BCL11A: variants seen among roughly 807,000 people sequenced by gnomAD.
BCL11A encodes the protein BCL11 transcription factor A, also known as B cell CLL/lymphoma 11A.
A neutral mutation model predicts 55.9 loss-of-function variants in BCL11A; 2 were observed. That is an observed-to-expected ratio of 0.04 (90% CI 0.01 to 0.11). BCL11A has a LOEUF of 0.11. Ranked by LOEUF, BCL11A falls within the 10% of genes least tolerant of loss-of-function variation. BCL11A has a pLI of 1.00. For synonymous variants in BCL11A, 465 were observed against 473.4 expected (o/e 0.98, Z 0.23); for missense variants, 817 against 1,137.1 (o/e 0.72, Z 4.05).
At chr2:60,482,277 G>A (rs1437603787) in intron 2 of BCL11A, among the ~76,000 whole-genome samples, 1 of 151,406 alleles carries the variant, frequency 6.6e-6, no homozygotes, top group Non-Finnish European at 1.5e-5. Context: ...CCTGTTCACG[G>A]AGCGGACAGA....
chr2:60,500,270 C>T (rs977103539), intron 2 of BCL11A, among the ~76,000 whole-genome samples: 2 of 152,168 alleles, frequency 1.3e-5, no homozygotes, highest in South Asian at 2.1e-4. Flanking sequence ...GTGGACAAGT[C>T]AAGCCCAGGC....
chr2:60,521,298 C>T (rs754505090), intron 2 of BCL11A, among the ~76,000 whole-genome samples: 1 of 152,230 alleles, frequency 6.6e-6, no homozygotes, highest in Admixed American at 6.5e-5. Context: ...GTGACACTTG[C>T]TAATAATAGC....
At chr2:60,537,599 G>C (rs139916879) in intron 2 of BCL11A, 48 of 152,318 alleles carry the variant, frequency 3.2e-4, no homozygotes, top group Non-Finnish European at 4.9e-4. Flanking sequence ...AACAGACTTG[G>C]CACATAGTGC....
intron 2 of BCL11A, chr2:60,535,423 A>G (rs1465278703): frequency 6.6e-6 from 1 of 152,230 alleles, no homozygotes; most frequent in African/African-American, 2.4e-5. Flanking sequence ...TAAGCCCTTA[A>G]GAGCCAAACC....
downstream of BCL11A, chr2:60,452,817 C>G: frequency 1.7e-6 from 1 of 605,712 alleles, no homozygotes; most frequent in Non-Finnish European, 2.9e-6. Flanking sequence ...TGATTTCAAA[C>G]TCAGCCTCCC....
chr2:60,537,054 C>G (rs1558502050), intron 2 of BCL11A: 2 of 152,206 alleles, frequency 1.3e-5, no homozygotes, highest in Non-Finnish European at 2.9e-5. Flanking sequence ...GCTCCAAGAT[C>G]AGAAGAAATA....
Position 60,468,850 on chromosome 2 carries a change from A to G in BCL11A, c.386-17T>C. On this transcript the variant is annotated splice_polypyrimidine_tract_variant and intron_variant, in intron 2 of 3. Coordinates refer to ENST00000642384, the MANE Select transcript of BCL11A (RefSeq NM_022893.4). ...GAAGTTTATCTGTGAAAGAAACCCA[A>G]AATCAAGCACTACAGCTACAAACAA... The G allele has an allele frequency of 4.5e-6, 7 of 1,539,922 alleles. No individual in the cohort carries two copies. Among genetic ancestry groups the G allele is most frequent in the Non-Finnish European group, 6.3e-6 (7 of 1,118,978 alleles).
intron 2 of BCL11A, among the ~76,000 whole-genome samples, chr2:60,506,478 A>G (rs1429905626): frequency 6.6e-6 from 1 of 152,238 alleles, no homozygotes; most frequent in African/African-American, 2.4e-5. Context: ...AGACCCTCCA[A>G]GGTGACAAAG....
intron 3 of BCL11A, among the ~76,000 whole-genome samples, 182 bp from the exon 4 acceptor site, chr2:60,462,606 C>T (rs936374412): frequency 2.6e-5 from 4 of 152,036 alleles, no homozygotes; most frequent in African/African-American, 4.8e-5. Context: ...AAATATTGGT[C>T]CAATTGATCT....
intron 2 of BCL11A, among the ~76,000 whole-genome samples, chr2:60,510,319 G>A (rs899295853): frequency 1.1e-4 from 17 of 152,026 alleles, no homozygotes; most frequent in Admixed American, 8.5e-4. Context: ...TGACCTCAGG[G>A]CCCCTTGCTC....
chr2:60,480,393 G>C (rs1038090684), intron 2 of BCL11A, among the ~76,000 whole-genome samples: 11 of 152,196 alleles, frequency 7.2e-5, no homozygotes, highest in African/African-American at 2.7e-4. Flanking sequence ...GCAAAGAAGA[G>C]CCCCTCAATA....
chr2:60,482,677 G>A (rs1678030952), intron 2 of BCL11A, among the ~76,000 whole-genome samples: 1 of 152,210 alleles, frequency 6.6e-6, no homozygotes, highest in South Asian at 2.1e-4. Flanking sequence ...GCATCCCAAG[G>A]TTAAGATCAG....
intron 2 of BCL11A, among the ~76,000 whole-genome samples, chr2:60,485,066 G>A (rs1678193905): frequency 6.6e-6 from 1 of 151,868 alleles, no homozygotes. Context: ...CACCACCAAG[G>A]CATAGCCTTG....
At chr2:60,548,438 G>A (rs1670250840) in intron 1 of BCL11A, among the ~76,000 whole-genome samples, 1 of 151,224 alleles carries the variant, frequency 6.6e-6, no homozygotes, top group Non-Finnish European at 1.5e-5. Context: ...TAAAGGTAAT[G>A]TGGTTCAAAA....
chr2:60,514,600 G>A (rs563708274), intron 2 of BCL11A, among the ~76,000 whole-genome samples: 22 of 151,574 alleles, frequency 1.5e-4, no homozygotes, highest in East Asian at 5.8e-4. Context: ...CCTGGGAGGC[G>A]GAGGCTGCAA....
intron 2 of BCL11A, among the ~76,000 whole-genome samples, chr2:60,484,806 C>A (rs1411911715): frequency 6.6e-6 from 1 of 151,906 alleles, no homozygotes; most frequent in Non-Finnish European, 1.5e-5. Flanking sequence ...TATGGGAATT[C>A]TCACTTAGGA....
rs769103803 is a variant in BCL11A, at chr2:60,546,490, T to G, written c.56-190A>C. 1 of 592,156 alleles carries G rather than the reference T, an allele frequency of 1.7e-6. No individual in the cohort carries two copies. The highest frequency in any genetic ancestry group is 2.1e-5 in the South Asian group (1 of 47,516). The allele number at this position is 592,156 out of a possible 1,614,324, so 36.7% of individuals were successfully genotyped here. A position where few individuals can be genotyped will look rare whatever the true frequency, so the allele number is the denominator to read the frequency against. ...GAAGGTTATCAACCAGAGAGCAAAT[T>G]TGTCAATGAGGCAAATCATCACATA... On this transcript the variant is annotated intron_variant, in intron 1 of 3. Coordinates refer to ENST00000642384, the MANE Select transcript of BCL11A (RefSeq NM_022893.4). The surrounding 1 kb of genome is among the most constrained non-coding windows in gnomAD (Gnocchi z 4.1).
At chr2:60,547,870 A>C (rs530024647) in intron 1 of BCL11A, among the ~76,000 whole-genome samples, 4 of 152,332 alleles carry the variant, frequency 2.6e-5, no homozygotes, top group South Asian at 2.1e-4. Flanking sequence ...CAAGTAGGAC[A>C]TCTCATAATT....
At chr2:60,505,999 G>T (rs1679569572) in intron 2 of BCL11A, among the ~76,000 whole-genome samples, 1 of 152,224 alleles carries the variant, frequency 6.6e-6, no homozygotes. Context: ...ATAGGGCTTT[G>T]CAGGGTATGG....
Sources: gnomAD v4.1 joint callset for allele counts (sites outside exome capture counted in the v4.1 genomes callset) on GRCh38, gnomAD v4.1.1 for gene constraint, Gnocchi (gnomAD v3.1) non-coding constraint, MANE v1.5 for transcripts, NCBI Gene and HGNC (gene_info 2026-07-23, HGNC 2026-07-21) for gene names.